Variants in ATXN1 observed in about 807,000 individuals in gnomAD.
ATXN1 encodes the protein ataxin 1.
ATXN1 carries 8 observed loss-of-function variants against 56.4 expected under a neutral mutation model. The observed-to-expected ratio is 0.14, with a 90% CI of 0.08 to 0.26. The LOEUF is 0.26. Ranked by LOEUF, ATXN1 falls within the 10% of genes least tolerant of loss-of-function variation. The probability of loss-of-function intolerance (pLI) is 1.00; values close to 1 mark genes in which losing one functional copy is unlikely to be tolerated. For synonymous variants in ATXN1, 514 were observed against 494.6 expected (o/e 1.04, Z -0.52); for missense variants, 987 against 1,106.5 (o/e 0.89, Z 1.53).
At chr6:16,485,185 T>C (rs141053125) in intron 6 of ATXN1, 10 of 152,278 alleles carry the variant, frequency 6.6e-5, no homozygotes, top group Non-Finnish European at 1.3e-4. Context: ...TTTTCTTTCC[T>C]GGTCAAAATC....
At chr6:16,340,603 G>A (rs1375936632) in intron 6 of ATXN1, among the ~76,000 whole-genome samples, 1 of 152,140 alleles carries the variant, frequency 6.6e-6, no homozygotes, top group African/African-American at 2.4e-5. Context: ...TTATCAAAAC[G>A]GAGGGTGGTC....
intron 2 of ATXN1, among the ~76,000 whole-genome samples, chr6:16,730,451 C>T (rs760276918): frequency 4.5e-5 from 6 of 133,230 alleles, no homozygotes; most frequent in Non-Finnish European, 8.1e-5. Flanking sequence ...GATGTGTGAA[C>T]GCAAAGCTTT....
chr6:16,604,785 C>T (rs1762974210), intron 3 of ATXN1, among the ~76,000 whole-genome samples: 1 of 151,732 alleles, frequency 6.6e-6, no homozygotes, highest in Non-Finnish European at 1.5e-5. Context: ...TGAGGCCTCA[C>T]TATGTTGCCC....
At chr6:16,759,995 TAC>T (rs1023766754) in intron 1 of ATXN1, among the ~76,000 whole-genome samples, 3 of 149,856 alleles carry the variant, frequency 2.0e-5, no homozygotes, top group African/African-American at 7.4e-5. Flanking sequence ...CGCGCACAAA[TAC>T]ACACACACAG....
At chr6:16,486,541 T>C (rs1414576016) in intron 5 of ATXN1, among the ~76,000 whole-genome samples, 1 of 152,068 alleles carries the variant, frequency 6.6e-6, no homozygotes, top group Non-Finnish European at 1.5e-5. Flanking sequence ...AAAGCGTTGT[T>C]GGTGGTCATA....
At chr6:16,749,057 A>C (rs1760629066) in intron 2 of ATXN1, among the ~76,000 whole-genome samples, 1 of 152,224 alleles carries the variant, frequency 6.6e-6, no homozygotes, top group African/African-American at 2.4e-5. Flanking sequence ...AATTGTTCAA[A>C]GAGCTGTGTC....
chr6:16,690,211 C>T (rs147149254), intron 2 of ATXN1, among the ~76,000 whole-genome samples: 3 of 152,136 alleles, frequency 2.0e-5, no homozygotes, highest in African/African-American at 7.2e-5. Context: ...CAGGCTCATC[C>T]AGTTGAGGTT....
chr6:16,338,334 A>G (rs1051232824), intron 6 of ATXN1, among the ~76,000 whole-genome samples: 1 of 152,152 alleles, frequency 6.6e-6, no homozygotes, highest in Admixed American at 6.6e-5. Flanking sequence ...TCTACTAAAA[A>G]TACAAAAAAT....
chr6:16,659,963 C>T (rs1007920623), intron 2 of ATXN1, among the ~76,000 whole-genome samples: 1 of 152,094 alleles, frequency 6.6e-6, no homozygotes, highest in African/African-American at 2.4e-5. Flanking sequence ...AAGGACTCAT[C>T]TAAGTGACAA....
chr6:16,545,527 T>C (rs1050263244), intron 4 of ATXN1, among the ~76,000 whole-genome samples: 1 of 152,194 alleles, frequency 6.6e-6, no homozygotes, highest in South Asian at 2.1e-4. Flanking sequence ...AGGACTCTTA[T>C]AAAACACAAA....
intron 3 of ATXN1, among the ~76,000 whole-genome samples, chr6:16,623,855 T>C (rs569525109): frequency 6.6e-6 from 1 of 152,286 alleles, no homozygotes; most frequent in African/African-American, 2.4e-5. Context: ...GTGAATTATA[T>C]CCCCAGAAAG....
intron 7 of ATXN1, among the ~76,000 whole-genome samples, chr6:16,322,024 C>T (rs1275563989): frequency 2.0e-5 from 3 of 152,124 alleles, no homozygotes; most frequent in Admixed American, 1.3e-4. Flanking sequence ...GAGTTCCAGA[C>T]CAGCACGGGC....
intron 2 of ATXN1, among the ~76,000 whole-genome samples, chr6:16,723,690 T>C (rs998247985): frequency 1.3e-5 from 2 of 152,152 alleles, no homozygotes; most frequent in Admixed American, 6.5e-5. Context: ...CTTCTAAGTA[T>C]ATATATTTTT....
intron 6 of ATXN1, among the ~76,000 whole-genome samples, chr6:16,480,759 C>G (rs1760422122): frequency 6.6e-6 from 1 of 152,110 alleles, no homozygotes; most frequent in South Asian, 2.1e-4. Context: ...TGTAAAAGAT[C>G]CATGAACTTT....
intron 6 of ATXN1, among the ~76,000 whole-genome samples, chr6:16,346,839 C>T (rs961547167): frequency 6.6e-6 from 1 of 152,202 alleles, no homozygotes; most frequent in Non-Finnish European, 1.5e-5. Flanking sequence ...CTGGGCTGGC[C>T]AAGGCCAGAG....
At chr6:16,435,626 G>C (rs940365572) in intron 6 of ATXN1, among the ~76,000 whole-genome samples, 33 of 152,030 alleles carry the variant, frequency 2.2e-4, no homozygotes, top group Non-Finnish European at 1.0e-4. Context: ...ACATGGGATG[G>C]CATGGAAATC....
intron 4 of ATXN1, among the ~76,000 whole-genome samples, chr6:16,581,364 A>G (rs2113760696): frequency 6.6e-6 from 1 of 152,160 alleles, no homozygotes; most frequent in Middle Eastern, 3.4e-3. Flanking sequence ...TGAGGGCCCG[A>G]AGAGAGCAGC....
rs1413235281 is a variant in ATXN1, at chr6:16,302,396, C to T, written c.*3933G>A. On this transcript the variant is annotated 3_prime_UTR_variant, in exon 8 of 8. Transcript: ENST00000436367. ...CAACAACAACAGAAATCAAATCATC[C>T]CAAACTAAACTGGGTGAGTTAGGGA... The T allele has an allele frequency of 6.6e-6, 1 of 152,534 alleles. No individual in the cohort carries two copies. Among genetic ancestry groups the T allele is most frequent in the East Asian group, 1.9e-4 (1 of 5,194 alleles). The allele number at this position is 152,534 out of a possible 1,614,324, so 9.4% of individuals were successfully genotyped here.
At chr6:16,394,695 A>G (rs1369569475) in intron 6 of ATXN1, among the ~76,000 whole-genome samples, 1 of 152,242 alleles carries the variant, frequency 6.6e-6, no homozygotes, top group East Asian at 1.9e-4. Context: ...TACTAGCTCC[A>G]ATAACTAGAT....
Sources: allele counts gnomAD v4.1 joint callset (sites outside exome capture counted in the v4.1 genomes callset), GRCh38; gene constraint gnomAD v4.1.1; transcripts MANE v1.5; gene names NCBI Gene and HGNC (gene_info 2026-07-23, HGNC 2026-07-21).